The following TNFSF4 variants were observed in gnomAD, a reference collection of about 807,000 sequenced individuals.
TNFSF4 encodes tumor necrosis factor ligand superfamily member 4.
Under a neutral mutation model 7.3 loss-of-function variants are expected in TNFSF4, and 4 were observed. The ratio of observed to expected loss-of-function variants is 0.55; its 90% CI spans 0.27 to 1.25. The LOEUF (loss-of-function observed/expected upper bound fraction) is 1.25. TNFSF4 is among the 50% of genes most tolerant of loss of function. The probability of loss-of-function intolerance (pLI) is 0.12; values close to 1 mark genes in which losing one functional copy is unlikely to be tolerated. For missense variants in TNFSF4, 181 were observed against 208.8 expected, an observed-to-expected ratio of 0.87 and a Z score of 0.82; for synonymous variants, 76 against 83.7, an observed-to-expected ratio of 0.91 and a Z score of 0.50.
At chr1:173,448,202 T>G in the TNFSF4 span, among the ~76,000 whole-genome samples, 1 of 152,174 alleles carries the variant, frequency 6.6e-6, no homozygotes, top group Admixed American at 6.5e-5. Context: ...CAGTAATTGA[T>G]AGAAGTAGAC....
At chr1:173,358,324 C>A in the TNFSF4 span, among the ~76,000 whole-genome samples, 2 of 152,320 alleles carry the variant, frequency 1.3e-5, no homozygotes, top group African/African-American at 2.4e-5. Flanking sequence ...CGCTCTATCA[C>A]CCCATTTGCC....
intron 1 of TNFSF4, chr1:173,205,310 C>T: frequency 6.2e-7 from 1 of 1,612,250 alleles, no homozygotes; most frequent in Non-Finnish European, 8.5e-7. Context: ...AGATCACTCA[C>T]CATGAGGTTT....
the TNFSF4 span, among the ~76,000 whole-genome samples, chr1:173,421,167 T>C: frequency 1.3e-5 from 2 of 152,170 alleles, no homozygotes; most frequent in African/African-American, 4.8e-5. Context: ...GAATTTCAGA[T>C]AAACAACAAA....
At chr1:173,288,156 A>G in the TNFSF4 span, among the ~76,000 whole-genome samples, 4 of 152,238 alleles carry the variant, frequency 2.6e-5, no homozygotes, top group Non-Finnish European at 5.9e-5. Flanking sequence ...TCTCTCATCA[A>G]TAAATAGCCA....
the TNFSF4 span, among the ~76,000 whole-genome samples, chr1:173,419,554 A>G: frequency 6.6e-6 from 1 of 152,084 alleles, no homozygotes; most frequent in African/African-American, 2.4e-5. Context: ...ATTCTGTTAC[A>G]GCAATGGACT....
chr1:173,224,348 T>C, the TNFSF4 span, among the ~76,000 whole-genome samples: 1 of 152,240 alleles, frequency 6.6e-6, no homozygotes, highest in African/African-American at 2.4e-5. Flanking sequence ...TGTGGAATAC[T>C]GTATATTCAT....
At chr1:173,442,407 T>A in the TNFSF4 span, among the ~76,000 whole-genome samples, 4 of 152,046 alleles carry the variant, frequency 2.6e-5, no homozygotes, top group Non-Finnish European at 5.9e-5. Context: ...ATGCAACACC[T>A]CTCCCACATA....
At chr1:173,219,907 G>A in the TNFSF4 span, among the ~76,000 whole-genome samples, 1 of 152,126 alleles carries the variant, frequency 6.6e-6, no homozygotes, top group Non-Finnish European at 1.5e-5. Context: ...GAAATGGTGG[G>A]AGGGGCTGAG....
At chr1:173,214,423 C>T in the TNFSF4 span, among the ~76,000 whole-genome samples, 1 of 152,144 alleles carries the variant, frequency 6.6e-6, no homozygotes, top group African/African-American at 2.4e-5. Context: ...TATTAATACA[C>T]CAAATGCACA....
the TNFSF4 span, among the ~76,000 whole-genome samples, chr1:173,400,091 A>C: frequency 1.3e-5 from 2 of 152,216 alleles, no homozygotes; most frequent in Non-Finnish European, 2.9e-5. Flanking sequence ...TTACAGAATG[A>C]CTTATCCACT....
At chr1:173,289,944 G>C in the TNFSF4 span, among the ~76,000 whole-genome samples, 4 of 15,192 alleles carry the variant, frequency 2.6e-4, no homozygotes, top group Non-Finnish European at 9.9e-4. Flanking sequence ...AGATATATTT[G>C]AGGCTAAAAA....
the TNFSF4 span, among the ~76,000 whole-genome samples, chr1:173,344,087 TTGAG>T: frequency 6.6e-6 from 1 of 152,214 alleles, no homozygotes; most frequent in African/African-American, 2.4e-5. Flanking sequence ...CAGCCCTTTA[TTGAG>T]TTTTTCCTAA....
the TNFSF4 span, among the ~76,000 whole-genome samples, chr1:173,212,828 A>C: frequency 6.6e-6 from 1 of 151,942 alleles, no homozygotes; most frequent in Non-Finnish European, 1.5e-5. Flanking sequence ...ATGTATTCAC[A>C]ATTTTTTAAT....
chr1:173,206,904 G>C (rs999783659), intron 1 of TNFSF4, 120 bp downstream of exon 1: 6 of 1,168,344 alleles, frequency 5.1e-6, no homozygotes, highest in Non-Finnish European at 5.8e-6. Flanking sequence ...TTGCTGTGGG[G>C]AGAGGGAAAA....
the TNFSF4 span, among the ~76,000 whole-genome samples, chr1:173,266,479 C>G: frequency 1.3e-5 from 2 of 152,076 alleles, no homozygotes; most frequent in African/African-American, 4.8e-5. Flanking sequence ...GAATCAGCCC[C>G]CAACAAATTA....
chr1:173,231,061 T>C, the TNFSF4 span, among the ~76,000 whole-genome samples: 2 of 152,030 alleles, frequency 1.3e-5, no homozygotes, highest in South Asian at 2.1e-4. Flanking sequence ...TTCCAGTCAA[T>C]AGAAAAAGAG....
At chr1:173,308,303 GTGTGTGTGTC>G in the TNFSF4 span, among the ~76,000 whole-genome samples, 172 of 150,058 alleles carry the variant, frequency 1.1e-3, 1 homozygote, top group African/African-American at 3.6e-3. Context: ...GTGTGTGTGT[GTGTGTGTGTC>G]TGTGTGTGTG....
the TNFSF4 span, among the ~76,000 whole-genome samples, chr1:173,259,099 C>T: frequency 6.6e-6 from 1 of 152,112 alleles, no homozygotes; most frequent in Non-Finnish European, 1.5e-5. Context: ...TTCCCACTGG[C>T]ATCAGGCTGG....
At chr1:173,325,786 G>A in the TNFSF4 span, among the ~76,000 whole-genome samples, 2 of 152,138 alleles carry the variant, frequency 1.3e-5, no homozygotes, top group African/African-American at 2.4e-5. Flanking sequence ...AAAATTCCTC[G>A]ACACATACAC....
Sources: gnomAD v4.1 joint callset for allele counts (sites outside exome capture counted in the v4.1 genomes callset) on GRCh38, gnomAD v4.1.1 for gene constraint, MANE v1.5 for transcripts, NCBI Gene and HGNC (gene_info 2026-07-23, HGNC 2026-07-21) for gene names.